The following ST7L variants were observed in gnomAD, a reference collection of about 807,000 sequenced individuals.
ST7L encodes suppression of tumorigenicity 7 like.
A neutral mutation model predicts 72.5 loss-of-function variants in ST7L; 57 were observed. The ratio of observed to expected loss-of-function variants is 0.79; its 90% CI spans 0.64 to 0.98. The LOEUF is 0.98. Ranked by LOEUF, ST7L falls within the 50% of genes least tolerant of loss-of-function variation. ST7L has a pLI of 0.00. For missense variants in ST7L, 576 were observed against 672.2 expected, an observed-to-expected ratio of 0.86 and a Z score of 1.58; for synonymous variants, 221 against 240.9, an observed-to-expected ratio of 0.92 and a Z score of 0.77.
At chr1:112,572,644 AG>A (rs1662333199) in intron 11 of ST7L, among the ~76,000 whole-genome samples, 1 of 152,166 alleles carries the variant, frequency 6.6e-6, no homozygotes, top group African/African-American at 2.4e-5. Flanking sequence ...TGGGAGGCTG[AG>A]GAGGGAGGAT....
chr1:112,551,138 CTTTTTTTTTTTTTTTTT>C (rs567601091), intron 12 of ST7L, among the ~76,000 whole-genome samples: 128 of 77,226 alleles, frequency 1.7e-3, no homozygotes, highest in Non-Finnish European at 2.1e-3. Context: ...ATGAGCAGAT[CTTTTTTTTTTTTTTTTT>C]TTTTTTTTTT....
chr1:112,613,147 T>C (rs1232748551), intron 2 of ST7L, among the ~76,000 whole-genome samples: 2 of 151,780 alleles, frequency 1.3e-5, no homozygotes, highest in African/African-American at 2.4e-5. Context: ...ATAAGTACCA[T>C]CAAGGGCAAC....
chr1:112,604,775 TAA>T (rs556388277), intron 3 of ST7L, among the ~76,000 whole-genome samples: 19,008 of 58,080 alleles, frequency 0.33, 2,822 homozygotes, highest in East Asian at 0.46. Flanking sequence ...TTGTCTCTCT[TAA>T]AAAAAAAAAA....
chr1:112,540,627 A>T (rs973852701), intron 14 of ST7L: 1 of 985,346 alleles, frequency 1.0e-6, no homozygotes, highest in African/African-American at 1.7e-5. Context: ...CCTTCAGGGA[A>T]AAAGGGAAAC....
At chr1:112,589,869 A>G (rs1195925619) in intron 6 of ST7L, among the ~76,000 whole-genome samples, 1 of 152,216 alleles carries the variant, frequency 6.6e-6, no homozygotes, top group African/African-American at 2.4e-5. Flanking sequence ...TTTTCTGAGC[A>G]TATGCCCAGC....
chr1:112,518,253 G>A, the ST7L span: 1 of 152,220 alleles, frequency 6.6e-6, no homozygotes, highest in Non-Finnish European at 1.5e-5. Context: ...GTTCAGATAG[G>A]TTAAACTAGG....
intron 14 of ST7L, chr1:112,540,351 C>T (rs1031890867): frequency 2.6e-5 from 26 of 985,420 alleles, no homozygotes; most frequent in Admixed American, 1.8e-4. Context: ...CATTTTTATT[C>T]GATGCCAGAT....
At chr1:112,562,462 A>C (rs77289382) in intron 11 of ST7L, among the ~76,000 whole-genome samples, 1 of 152,170 alleles carries the variant, frequency 6.6e-6, no homozygotes, top group South Asian at 2.1e-4. Context: ...TTAAAAAAAA[A>C]GATATGATTG....
At chr1:112,618,327 TG>T in intron 1 of ST7L, 1 of 982,224 alleles carries the variant, frequency 1.0e-6, no homozygotes, top group South Asian at 3.9e-5. Context: ...CTGTTGTTTG[TG>T]GCGCTCTCAC....
intron 13 of ST7L, among the ~76,000 whole-genome samples, chr1:112,542,301 G>A (rs1449942092): frequency 6.6e-6 from 1 of 152,176 alleles, no homozygotes; most frequent in African/African-American, 2.4e-5. Flanking sequence ...TGCTGGGTGT[G>A]GGAACAGGAT....
intron 2 of ST7L, among the ~76,000 whole-genome samples, chr1:112,611,863 G>C (rs541351714): frequency 1.3e-5 from 2 of 151,342 alleles, no homozygotes; most frequent in South Asian, 4.2e-4. Flanking sequence ...CAGCTACTCA[G>C]GAAGTTGAAG....
chr1:112,598,601 A>C (rs1666850746), intron 4 of ST7L, among the ~76,000 whole-genome samples: 1 of 152,064 alleles, frequency 6.6e-6, no homozygotes, highest in East Asian at 1.9e-4. Context: ...TAACTAAAAA[A>C]AAAAAAGACT....
At chr1:112,612,240 G>A (rs1669181715) in intron 2 of ST7L, among the ~76,000 whole-genome samples, 1 of 152,006 alleles carries the variant, frequency 6.6e-6, no homozygotes, top group African/African-American at 2.4e-5. Context: ...TAGGACTACA[G>A]GCATGTGCCA....
chr1:112,599,615 A>G (rs550187659), intron 4 of ST7L, among the ~76,000 whole-genome samples: 2 of 152,334 alleles, frequency 1.3e-5, no homozygotes, highest in East Asian at 3.9e-4. Flanking sequence ...AAGTCAATAT[A>G]TAGTCCCTCT....
intron 3 of ST7L, 43 bp downstream of exon 3, chr1:112,610,798 T>C: frequency 1.3e-6 from 2 of 1,598,414 alleles, no homozygotes; most frequent in Non-Finnish European, 1.7e-6. Flanking sequence ...CCAAACTCAA[T>C]CTTAAATACA....
chr1:112,553,089 T>TA (rs34755227), intron 12 of ST7L, among the ~76,000 whole-genome samples: 29,427 of 151,638 alleles, frequency 0.19, 3,575 homozygotes, highest in East Asian at 0.46. Context: ...AGTATAGACT[T>TA]AAAAAAAACA....
Position 112,557,311 on chromosome 1 carries a change from C to T in ST7L, c.1246-1293G>A, listed in dbSNP as rs182085477. 1.5e-3 allele frequency among the ~76,000 whole-genome samples: 221 copies of T among 152,226 alleles called. 1 individual carries two copies. Among genetic ancestry groups the T allele is most frequent in the African/African-American group, 5.2e-3 (217 of 41,548 alleles). ...CCTATCTTATATCTCTATAGATTTG[C>T]CTATTCTGGATATTTCATACAAATG... On this transcript the variant is annotated intron_variant, in intron 11 of 14. Transcript: ENST00000358039.
intron 14 of ST7L, among the ~76,000 whole-genome samples, chr1:112,531,632 T>A (rs1654398414): frequency 6.6e-6 from 1 of 152,226 alleles, no homozygotes; most frequent in Non-Finnish European, 1.5e-5. Flanking sequence ...TCATCTATTG[T>A]GGCAATAGCT....
chr1:112,611,995 G>C (rs926355434), intron 2 of ST7L, among the ~76,000 whole-genome samples: 2 of 130,548 alleles, frequency 1.5e-5, no homozygotes, highest in Non-Finnish European at 3.3e-5. Context: ...AAAAAAAAAA[G>C]TCACCTGACA....
Sources: gnomAD v4.1 joint callset for allele counts (sites outside exome capture counted in the v4.1 genomes callset) on GRCh38, gnomAD v4.1.1 for gene constraint, MANE v1.5 for transcripts, NCBI Gene and HGNC (gene_info 2026-07-23, HGNC 2026-07-21) for gene names.